The following KIAA1217 variants were observed in gnomAD, a reference collection of about 807,000 sequenced individuals.
The protein encoded by KIAA1217 is KIAA1217, also known as sickle tail protein homolog.
Under a neutral mutation model 163.9 loss-of-function variants are expected in KIAA1217, and 88 were observed. The observed-to-expected ratio is 0.54, with a 90% CI of 0.45 to 0.64. The LOEUF is 0.64. Ranked by LOEUF, KIAA1217 falls within the 30% of genes least tolerant of loss-of-function variation. The pLI is 0.00. For missense variants in KIAA1217, 2,372 were observed against 2,475.0 expected (o/e 0.96, Z 0.88); for synonymous variants, 903 against 923.1 (o/e 0.98, Z 0.39).
intron 1 of KIAA1217, among the ~76,000 whole-genome samples, chr10:23,971,413 C>T (rs1207418896): frequency 2.0e-5 from 3 of 152,180 alleles, no homozygotes; most frequent in Non-Finnish European, 2.9e-5. Context: ...CAAATTATTA[C>T]TTTAGAGAGA....
chr10:24,262,982 C>T (rs924686818), intron 2 of KIAA1217, among the ~76,000 whole-genome samples: 50 of 151,522 alleles, frequency 3.3e-4, no homozygotes, highest in Non-Finnish European at 7.2e-4. Flanking sequence ...TATTGTAAGT[C>T]ACTTCAGTAT....
intron 1 of KIAA1217, among the ~76,000 whole-genome samples, chr10:23,824,599 G>A (rs1174642293): frequency 8.6e-6 from 1 of 116,398 alleles, no homozygotes; most frequent in Admixed American, 1.2e-4. Flanking sequence ...TTGCACTCCA[G>A]CCTGGGCAAC....
At chr10:23,868,236 G>A (rs1027012792) in intron 1 of KIAA1217, among the ~76,000 whole-genome samples, 6 of 151,998 alleles carry the variant, frequency 3.9e-5, no homozygotes, top group Non-Finnish European at 8.8e-5. Context: ...TAACTCCTGG[G>A]TACATGGTTT....
intron 2 of KIAA1217, among the ~76,000 whole-genome samples, chr10:24,312,535 C>T (rs776549445): frequency 1.3e-5 from 2 of 152,150 alleles, no homozygotes; most frequent in East Asian, 3.9e-4. Flanking sequence ...AGGAGAATTC[C>T]TTGAACCTGG....
chr10:23,965,436 G>C (rs1845024112), intron 1 of KIAA1217, among the ~76,000 whole-genome samples: 1 of 152,256 alleles, frequency 6.6e-6, no homozygotes, highest in African/African-American at 2.4e-5. Context: ...TGTGGATAGA[G>C]AGGCTTGTAC....
intron 1 of KIAA1217, among the ~76,000 whole-genome samples, chr10:23,787,074 A>G (rs1029485302): frequency 1.3e-5 from 2 of 152,078 alleles, no homozygotes; most frequent in African/African-American, 2.4e-5. Context: ...TCTTTTTTGC[A>G]TTATAAGGAA....
At chr10:23,896,008 G>A (rs1168879879) in intron 1 of KIAA1217, among the ~76,000 whole-genome samples, 44 of 114,292 alleles carry the variant, frequency 3.8e-4, no homozygotes, top group African/African-American at 1.5e-3. Context: ...GGGGGGAGGG[G>A]GGAGGGATAG....
intron 2 of KIAA1217, among the ~76,000 whole-genome samples, chr10:24,146,907 G>A (rs967881694): frequency 6.6e-6 from 1 of 150,916 alleles, no homozygotes; most frequent in Non-Finnish European, 1.5e-5. Context: ...GGTCCTTCCA[G>A]AGAGGTTTGA....
intron 1 of KIAA1217, among the ~76,000 whole-genome samples, chr10:23,971,464 G>A (rs550265851): frequency 5.9e-5 from 9 of 152,126 alleles, no homozygotes; most frequent in South Asian, 2.1e-4. Flanking sequence ...TGATTGGTTG[G>A]GGGGGAACCT....
At chr10:24,108,776 A>G (rs2062727296) in intron 2 of KIAA1217, among the ~76,000 whole-genome samples, 1 of 152,214 alleles carries the variant, frequency 6.6e-6, no homozygotes, top group Non-Finnish European at 1.5e-5. Context: ...AGGCAACATA[A>G]TAAATAATGA....
rs532930493 is a variant in KIAA1217, at chr10:24,064,977, C to T, written c.-171+57603C>T. Among the ~76,000 whole-genome samples the T allele has an allele frequency of 3.8e-3, 577 of 152,208 alleles. 5 individuals carry two copies. Among genetic ancestry groups the T allele is most frequent in the Non-Finnish European group, 6.9e-3 (472 of 68,010 alleles). ...ATGGTAGTTTGTATTTCTGTGGGATCGGTGGTGATATCACCTTTGTCATTT... is the reference window on the plus strand; with the variant it reads ...ATGGTAGTTTGTATTTCTGTGGGATTGGTGGTGATATCACCTTTGTCATTT... On this transcript the variant is annotated intron_variant, in intron 2 of 18. Coordinates refer to the KIAA1217 transcript ENST00000376462.
intron 2 of KIAA1217, among the ~76,000 whole-genome samples, chr10:24,225,408 G>A (rs559433893): frequency 6.6e-6 from 1 of 152,326 alleles, no homozygotes; most frequent in South Asian, 2.1e-4. Flanking sequence ...ATGAGCCACT[G>A]CACCTGGCCT....
In KIAA1217 at chr10:23,928,365, G is replaced by A. The variant is rs148081314; in HGVS notation, c.-320-78860G>A. On this transcript the variant is annotated intron_variant, in intron 1 of 18. Transcript: ENST00000376462. ...GAGAAAGCAGCTTCCCAGAATTTGC[G>A]GTGAATTTTAGTTTTCCGTGGCATG... Among the ~76,000 whole-genome samples, 497 of 152,218 alleles carry A rather than the reference G, an allele frequency of 3.3e-3. 6 individuals are homozygous for A. In the Middle Eastern group the frequency reaches 0.034, roughly 10 times the overall value.
chr10:24,133,590 G>A (rs967403190), intron 2 of KIAA1217, among the ~76,000 whole-genome samples: 6 of 149,824 alleles, frequency 4.0e-5, no homozygotes, highest in East Asian at 2.0e-4. Context: ...AAAAAAAAAT[G>A]TCTTGCCTAT....
At chr10:24,311,297 A>G (rs2042664813) in intron 2 of KIAA1217, among the ~76,000 whole-genome samples, 1 of 152,296 alleles carries the variant, frequency 6.6e-6, no homozygotes, top group Middle Eastern at 3.4e-3. Flanking sequence ...AGGGTTAAGC[A>G]AAGGACCTTT....
intron 9 of KIAA1217, among the ~76,000 whole-genome samples, chr10:24,512,459 C>T (rs879499727): frequency 3.3e-5 from 5 of 152,072 alleles, no homozygotes; most frequent in African/African-American, 9.7e-5. Flanking sequence ...CAGACTCCTG[C>T]GAAGCCTGAA....
intron 3 of KIAA1217, among the ~76,000 whole-genome samples, chr10:24,403,054 A>G (rs2056770674): frequency 6.6e-6 from 1 of 152,224 alleles, no homozygotes; most frequent in Non-Finnish European, 1.5e-5. Flanking sequence ...TAATACAAAA[A>G]AAACTCAAAA....
intron 2 of KIAA1217, among the ~76,000 whole-genome samples, chr10:24,241,656 T>C (rs1342050455): frequency 6.6e-6 from 1 of 152,222 alleles, no homozygotes; most frequent in African/African-American, 2.4e-5. Flanking sequence ...ATTCCTTCTG[T>C]ATTCTAGACG....
At chr10:24,490,945 T>C (rs1487308079) in intron 6 of KIAA1217, among the ~76,000 whole-genome samples, 1 of 152,150 alleles carries the variant, frequency 6.6e-6, no homozygotes, top group Non-Finnish European at 1.5e-5. Context: ...GTACCTGGAG[T>C]GCATATAGCC....
Sources: allele counts gnomAD v4.1 joint callset (sites outside exome capture counted in the v4.1 genomes callset), GRCh38; gene constraint gnomAD v4.1.1; transcripts MANE v1.5; gene names NCBI Gene and HGNC (gene_info 2026-07-23, HGNC 2026-07-21).